The following KALRN variants were observed in gnomAD, a reference collection of about 807,000 sequenced individuals.
KALRN encodes kalirin RhoGEF kinase, also known as kalirin.
In KALRN, 70 loss-of-function variants were observed where a neutral mutation model predicts 353.7. That is an observed-to-expected ratio of 0.20 (90% CI 0.16 to 0.24). The LOEUF (loss-of-function observed/expected upper bound fraction) is 0.24. Among genes scored for constraint, KALRN ranks in the 10% least tolerant of loss-of-function variants. The pLI is 1.00. For missense variants in KALRN, 2,791 were observed against 3,756.7 expected, an observed-to-expected ratio of 0.74 and a Z score of 6.72; for synonymous variants, 1,391 against 1,434.8, an observed-to-expected ratio of 0.97 and a Z score of 0.69.
At chr3:124,408,000 C>T (rs1007400364) in intron 13 of KALRN, among the ~76,000 whole-genome samples, 121 of 152,220 alleles carry the variant, frequency 7.9e-4, no homozygotes, top group African/African-American at 2.8e-3. Flanking sequence ...GGCTCGATCT[C>T]CTGACCTCGT....
At chr3:124,630,253 T>A (rs1223243301) in intron 34 of KALRN, among the ~76,000 whole-genome samples, 1 of 152,196 alleles carries the variant, frequency 6.6e-6, no homozygotes, top group East Asian at 1.9e-4. Context: ...ATGCCTGTTC[T>A]AGCCTCTCTA....
intron 1 of KALRN, among the ~76,000 whole-genome samples, chr3:124,059,513 C>G (rs2041831896): frequency 6.6e-6 from 1 of 152,088 alleles, no homozygotes; most frequent in Admixed American, 6.5e-5. Flanking sequence ...TTCCTCCTGG[C>G]TAACTTAAAT....
chr3:124,560,077 T>C (rs987835381), intron 33 of KALRN, among the ~76,000 whole-genome samples: 4 of 152,226 alleles, frequency 2.6e-5, no homozygotes, highest in South Asian at 4.1e-4. Context: ...TCTTGAATTG[T>C]AGAGAGACAG....
At chr3:124,473,153 G>A (rs191174240) in intron 25 of KALRN, among the ~76,000 whole-genome samples, 9 of 152,234 alleles carry the variant, frequency 5.9e-5, no homozygotes, top group African/African-American at 9.6e-5. Flanking sequence ...TCTATGTCAC[G>A]GAAGGAGGAA....
At chr3:124,164,011 T>A (rs1408820565) in intron 1 of KALRN, 39 of 983,180 alleles carry the variant, frequency 4.0e-5, no homozygotes, top group Non-Finnish European at 4.6e-5. Context: ...TGTTTTGGAT[T>A]TACTGCAGAA....
intron 8 of KALRN, among the ~76,000 whole-genome samples, chr3:124,331,099 G>C (rs2080499642): frequency 1.3e-5 from 2 of 152,144 alleles, no homozygotes; most frequent in African/African-American, 4.8e-5. Context: ...CTTTGAGCCT[G>C]GTTTCATCTG....
At chr3:124,659,611 T>A (rs531672120) in intron 43 of KALRN, among the ~76,000 whole-genome samples, 154 bp downstream of exon 43, 17 of 152,190 alleles carry the variant, frequency 1.1e-4, no homozygotes, top group Non-Finnish European at 2.4e-4. Flanking sequence ...TGGGAACTTT[T>A]ATCTGACTGC....
chr3:124,618,680 ATG>A, intron 34 of KALRN, among the ~76,000 whole-genome samples: 1 of 152,154 alleles, frequency 6.6e-6, no homozygotes, highest in Admixed American at 6.5e-5. Context: ...AAGACATACC[ATG>A]GACTCAGGAG....
intron 5 of KALRN, among the ~76,000 whole-genome samples, chr3:124,289,527 A>G (rs1412173159): frequency 6.6e-6 from 1 of 152,158 alleles, no homozygotes; most frequent in Non-Finnish European, 1.5e-5. Flanking sequence ...TGATTATGGC[A>G]TCTGTTACTT....
chr3:124,468,701 C>T (rs926160236), intron 25 of KALRN, among the ~76,000 whole-genome samples: 1 of 152,206 alleles, frequency 6.6e-6, no homozygotes, highest in African/African-American at 2.4e-5. Context: ...TCTGCCCAAA[C>T]CAAAATTAGT....
chr3:124,348,816 C>G (rs2149571039), intron 10 of KALRN, among the ~76,000 whole-genome samples: 1 of 152,224 alleles, frequency 6.6e-6, no homozygotes, highest in South Asian at 2.1e-4. Flanking sequence ...CTCCTGGGTT[C>G]AGGTGATTCT....
At chr3:124,527,481 C>A (rs1053935804) in intron 33 of KALRN, among the ~76,000 whole-genome samples, 15 of 151,850 alleles carry the variant, frequency 9.9e-5, no homozygotes, top group African/African-American at 3.4e-4. Flanking sequence ...TGGTGGCACA[C>A]ACCTGTAGTC....
chr3:124,334,285 A>C lies in KALRN; in HGVS notation c.1437A>C (p.Ala479=). 1 of 1,614,222 alleles carries C rather than the reference A, an allele frequency of 6.2e-7. No homozygotes were observed. The part of the protein sequence containing the change: ...AYTEVSQDGK[A]LLDVLQRPLS... Reference sequence around the variant, plus strand: ...TGCAGGTCAGCCAGGATGGCAAAGCACTACTTGATGTGCTGCAGCGGCCCC... The same window carrying C: ...TGCAGGTCAGCCAGGATGGCAAAGCCCTACTTGATGTGCTGCAGCGGCCCC... The change falls in exon 9 of 60, where the codon GCA becomes GCC. Residue 479 remains alanine (A), a synonymous_variant. Transcript: ENST00000682506. The surrounding 1 kb of genome is among the most constrained non-coding windows in gnomAD (Gnocchi z 4.2).
intron 1 of KALRN, chr3:124,094,889 C>T (rs375111358): frequency 4.3e-6 from 7 of 1,613,986 alleles, no homozygotes; most frequent in Admixed American, 1.7e-5. Flanking sequence ...CCGCTTGCTC[C>T]GGCTGCTGGA....
chr3:124,145,864 C>T (rs946251472), intron 1 of KALRN, among the ~76,000 whole-genome samples: 1 of 152,176 alleles, frequency 6.6e-6, no homozygotes, highest in Non-Finnish European at 1.5e-5. Flanking sequence ...GTAAAAAAGA[C>T]ACACACAGAA....
intron 1 of KALRN, among the ~76,000 whole-genome samples, chr3:124,137,324 T>C (rs1226222226): frequency 6.6e-6 from 1 of 151,156 alleles, no homozygotes; most frequent in Non-Finnish European, 1.5e-5. Flanking sequence ...TCCATAAGAG[T>C]GGGGAGAAGA....
At chr3:124,630,113 C>G (rs1459578805) in intron 34 of KALRN, among the ~76,000 whole-genome samples, 1 of 152,184 alleles carries the variant, frequency 6.6e-6, no homozygotes, top group African/African-American at 2.4e-5. Context: ...AAACTATTCT[C>G]TAAAGCCAAG....
At chr3:124,117,878 T>C (rs948636972) in intron 1 of KALRN, among the ~76,000 whole-genome samples, 5 of 152,262 alleles carry the variant, frequency 3.3e-5, no homozygotes, top group African/African-American at 9.6e-5. Context: ...ATTATTAACT[T>C]ATAAGCCTTT....
At chr3:124,084,977 A>G (rs1438847861) in intron 1 of KALRN, among the ~76,000 whole-genome samples, 1 of 152,158 alleles carries the variant, frequency 6.6e-6, no homozygotes, top group African/African-American at 2.4e-5. Context: ...ACATCTTCAC[A>G]GTCTTCTGAT....
Sources: allele counts gnomAD v4.1 joint callset (sites outside exome capture counted in the v4.1 genomes callset), GRCh38; gene constraint gnomAD v4.1.1; non-coding constraint Gnocchi (gnomAD v3.1); transcripts MANE v1.5; gene names NCBI Gene and HGNC (gene_info 2026-07-23, HGNC 2026-07-21).